MPHOSPH8: variants seen among roughly 807,000 people sequenced by gnomAD.
The protein encoded by MPHOSPH8 is M-phase phosphoprotein 8, also known as M-phase phosphoprotein, mpp.
In MPHOSPH8, 45 loss-of-function variants were observed where a neutral mutation model predicts 87.3. The observed-to-expected ratio is 0.52, with a 90% CI of 0.41 to 0.66. The LOEUF is 0.66. Ranked by LOEUF, MPHOSPH8 falls within the 30% of genes least tolerant of loss-of-function variation. The pLI is 0.00. For missense variants in MPHOSPH8, 883 were observed against 1,020.2 expected, an observed-to-expected ratio of 0.87 and a Z score of 1.83; for synonymous variants, 366 against 376.9, an observed-to-expected ratio of 0.97 and a Z score of 0.33.
In MPHOSPH8 at chr13:19,646,470, G is replaced by A. The variant is rs1405356339; in HGVS notation, c.397G>A (p.Glu133Lys). Residue 133 changes from glutamate to lysine, a missense_variant, in exon 3 of 14, where the codon GAG becomes AAG. Physicochemically the swap from Glu to Lys is moderately conservative, Grantham distance 56. Around this residue, in one of 3 missense-constraint regions of MPHOSPH8, gnomAD observed 39 missense variants for 82.4 expected, o/e 0.47. Transcript: ENST00000361479. ...QRLSLNNDIFEANSDSDQQSE... is the reference protein window; with the variant it reads ...QRLSLNNDIFKANSDSDQQSE... ...ACTATCCTTAAATAACGACATATTT[G>A]AGGCGAACTCTGATAGCGATCAGCA... 18 of 1,519,484 alleles carry A rather than the reference G, an allele frequency of 1.2e-5. No homozygotes were observed. The highest frequency in any genetic ancestry group is 1.6e-5 in the Non-Finnish European group (18 of 1,142,918). 94.1% of individuals were successfully genotyped at this position (1,519,484 alleles called of 1,614,324 possible).
intron 1 of MPHOSPH8, among the ~76,000 whole-genome samples, chr13:19,640,587 C>A (rs999620866): frequency 1.5e-4 from 23 of 151,280 alleles, no homozygotes; most frequent in Non-Finnish European, 2.9e-5. Flanking sequence ...CCCAGGCTGG[C>A]TTCGAACTCC....
chr13:19,651,755 G>A (rs1476737656), intron 5 of MPHOSPH8, among the ~76,000 whole-genome samples: 3 of 151,892 alleles, frequency 2.0e-5, no homozygotes, highest in African/African-American at 7.3e-5. Flanking sequence ...AAATTCCTTG[G>A]GAAAAAAATA....
intron 12 of MPHOSPH8, 134 bp downstream of exon 12, chr13:19,670,497 G>A (rs1214405837): frequency 3.8e-6 from 4 of 1,062,244 alleles, no homozygotes; most frequent in Non-Finnish European, 5.3e-6. Flanking sequence ...GGTTGGGAAT[G>A]AGGCAATACC....
chr13:19,665,606 A>G (rs1875770471), intron 9 of MPHOSPH8, among the ~76,000 whole-genome samples: 1 of 152,184 alleles, frequency 6.6e-6, no homozygotes, highest in Non-Finnish European at 1.5e-5. Context: ...TCCCCCTGCC[A>G]GAAGCACTGG....
intron 11 of MPHOSPH8, 63 bp from the exon 12 acceptor site, chr13:19,670,173 G>A: frequency 6.3e-7 from 1 of 1,596,750 alleles, no homozygotes; most frequent in Non-Finnish European, 8.6e-7. Flanking sequence ...ATCTGGTGTT[G>A]AGTGTTCCTC....
At chr13:19,654,878 G>T (rs1459953875) in intron 5 of MPHOSPH8, among the ~76,000 whole-genome samples, 20 of 152,026 alleles carry the variant, frequency 1.3e-4, no homozygotes, top group Non-Finnish European at 1.0e-4. Flanking sequence ...AACCCAGGAG[G>T]CAGAGGTTTC....
intron 5 of MPHOSPH8, among the ~76,000 whole-genome samples, chr13:19,650,569 T>C (rs1441890881): frequency 6.6e-6 from 1 of 152,206 alleles, no homozygotes; most frequent in Non-Finnish European, 1.5e-5. Context: ...ATAGATTTCT[T>C]TCAGGAAATT....
At chr13:19,660,475 T>A (rs1273784290) in intron 7 of MPHOSPH8, among the ~76,000 whole-genome samples, 2 of 152,200 alleles carry the variant, frequency 1.3e-5, no homozygotes, top group Non-Finnish European at 2.9e-5. Flanking sequence ...TTTTTTAGGT[T>A]TAATCCTTTG....
rs1875364165 is a variant in MPHOSPH8, at chr13:19,659,086, T to C, written c.1668T>C (p.Asp556=). ...TCCAAAAGCACCTTGATGGGAAAGA[T>C]GAGAATTTTGCTGCAACAGATGCAA... is the stretch of plus-strand genomic sequence containing the variant. ...EDFQKHLDGK[D]ENFAATDAIP... The change falls in exon 6 of 14, where the codon GAT becomes GAC. Residue 556 remains aspartate, a synonymous_variant. Coordinates refer to ENST00000361479, the MANE Select transcript of MPHOSPH8 (RefSeq NM_017520.4). 6.2e-7 allele frequency: 1 copy of C among 1,614,168 alleles called. No homozygotes were observed. The highest frequency in any genetic ancestry group is 1.1e-5 in the South Asian group (1 of 91,066).
intron 9 of MPHOSPH8, among the ~76,000 whole-genome samples, chr13:19,665,120 G>C (rs1353960565): frequency 6.6e-5 from 10 of 152,036 alleles, no homozygotes; most frequent in Non-Finnish European, 1.5e-4. Context: ...GATGGCTCTG[G>C]AAGTGGGTTG....
intron 10 of MPHOSPH8, among the ~76,000 whole-genome samples, 179 bp downstream of exon 10, chr13:19,666,758 C>A (rs1215036877): frequency 6.6e-6 from 1 of 152,198 alleles, no homozygotes; most frequent in Non-Finnish European, 1.5e-5. Context: ...TATTTTTCTG[C>A]AAGTTATTTA....
chr13:19,639,396 C>T (rs1252373600), intron 1 of MPHOSPH8, among the ~76,000 whole-genome samples: 2 of 151,868 alleles, frequency 1.3e-5, no homozygotes, highest in African/African-American at 4.8e-5. Context: ...CTGCAACCTC[C>T]GCCTCCTGGG....
At position 19,642,168 on chromosome 13, in the gene MPHOSPH8, C is replaced by T. The variant is rs1195879472; in HGVS notation, c.267C>T (p.Thr89=). 1 of 1,611,054 alleles carries T rather than the reference C, an allele frequency of 6.2e-7. No individual in the cohort carries two copies. The highest frequency in any genetic ancestry group is 8.5e-7 in the Non-Finnish European group (1 of 1,179,054). Reference sequence around the variant, plus strand: ...AAGGCTATACATCGGATGATGATACCTGGGAGCCCGAGATTCACCTGGAGG... The same window carrying T: ...AAGGCTATACATCGGATGATGATACTTGGGAGCCCGAGATTCACCTGGAGG... ...RWKGYTSDDD[T]WEPEIHLEDC... Residue 89 remains threonine (T), a synonymous_variant, in exon 2 of 14, where the codon ACC becomes ACT. Transcript: ENST00000361479.
intron 12 of MPHOSPH8, 53 bp downstream of exon 12, chr13:19,670,416 A>C (rs1593494451): frequency 6.4e-7 from 1 of 1,555,086 alleles, no homozygotes; most frequent in Non-Finnish European, 8.8e-7. Context: ...AATCAAAAGC[A>C]CAGATGACTT....
rs759427758 is a variant in MPHOSPH8 at position 19,646,958 on chromosome 13, T to C, written c.885T>C (p.Ser295=). 2.5e-6 allele frequency: 4 copies of C among 1,591,728 alleles called. No homozygotes were observed. In the South Asian group the frequency reaches 3.5e-5, roughly 14 times the overall value. ...DSREEKQNTK[S]ARERAGQDMG... Reference sequence around the variant, plus strand: ...GAGAAGAGAAACAAAACACTAAAAGTGCAAGAGAGAGAGCAGGGCAGGACA... The same window carrying C: ...GAGAAGAGAAACAAAACACTAAAAGCGCAAGAGAGAGAGCAGGGCAGGACA... Residue 295 remains serine (S), a synonymous_variant, in exon 3 of 14, where the codon AGT becomes AGC. Transcript: ENST00000361479.
intron 2 of MPHOSPH8, 63 bp from the exon 3 acceptor site, chr13:19,646,380 A>G: frequency 7.9e-7 from 1 of 1,262,974 alleles, no homozygotes; most frequent in Non-Finnish European, 1.0e-6. Flanking sequence ...CATTAGTACT[A>G]CTTTTCAAAA....
Position 19,650,134 on chromosome 13 carries a change from A to T in MPHOSPH8, c.1450A>T (p.Lys484Ter). The T allele has an allele frequency of 1.2e-6, 2 of 1,614,200 alleles. No homozygotes were observed. Among genetic ancestry groups the T allele is most frequent in the Non-Finnish European group, 1.7e-6 (2 of 1,180,026 alleles). ...TAAAACCATAGACGATCACAAAACC[A>T]AGGAAAACAAACAGTCACTTAAAGA... ...DFKTIDDHKT[K>*]ENKQSLKERR... Residue 484 changes from lysine to a stop codon, truncating the protein, a stop_gained, in exon 5 of 14, where the codon AAG (lysine) becomes TAG (stop). Transcript: ENST00000361479. LOFTEE classifies it high-confidence loss of function.
chr13:19,642,026 A>G, intron 1 of MPHOSPH8, 89 bp from the exon 2 acceptor site: 2 of 1,105,180 alleles, frequency 1.8e-6, no homozygotes, highest in Non-Finnish European at 2.4e-6. Context: ...AAGTTCTTTC[A>G]TGTCTTCTCA....
At chr13:19,661,079 C>T in intron 7 of MPHOSPH8, 1 of 392,632 alleles carries the variant, frequency 2.5e-6, no homozygotes, top group Non-Finnish European at 3.5e-6. Context: ...GCTGACATAG[C>T]AACACCGTCT....
Sources: gnomAD v4.1 joint callset for allele counts (sites outside exome capture counted in the v4.1 genomes callset) on GRCh38, gnomAD v4.1.1 for gene constraint, gnomAD v4.1.1 regional missense constraint, MANE v1.5 for transcripts, NCBI Gene and HGNC (gene_info 2026-07-23, HGNC 2026-07-21) for gene names.